Variants in ANLN observed in about 807,000 individuals in gnomAD.
ANLN encodes anillin, actin binding protein.
ANLN carries 59 observed loss-of-function variants against 135.1 expected under a neutral mutation model. The observed-to-expected ratio is 0.44, with a 90% CI of 0.35 to 0.54. The LOEUF (loss-of-function observed/expected upper bound fraction) is 0.54, where lower values mean the gene tolerates loss of function less well. ANLN is among the 20% of genes least tolerant of loss of function. The pLI is 0.00. For missense variants in ANLN, 1,182 were observed against 1,340.0 expected, an observed-to-expected ratio of 0.88 and a Z score of 1.84; for synonymous variants, 406 against 456.4, an observed-to-expected ratio of 0.89 and a Z score of 1.41.
chr7:36,425,898 T>A, intron 18 of ANLN, 117 bp from the exon 19 acceptor site: 1 of 1,172,688 alleles, frequency 8.5e-7, no homozygotes, highest in Non-Finnish European at 1.2e-6. Flanking sequence ...GGAAAAGTGT[T>A]TTCTGAAATG....
intron 21 of ANLN, among the ~76,000 whole-genome samples, chr7:36,442,766 A>G (rs1168876273): frequency 1.3e-5 from 2 of 151,792 alleles, no homozygotes; most frequent in African/African-American, 4.8e-5. Flanking sequence ...TGAGTAGCTG[A>G]GACTACAGAT....
chr7:36,449,836 A>C lies in ANLN; in HGVS notation c.3250A>C (p.Lys1084Gln). 1 of 1,613,138 alleles carries C rather than the reference A, an allele frequency of 6.2e-7. No homozygotes were observed. Among genetic ancestry groups the C allele is most frequent in the Non-Finnish European group, 8.5e-7 (1 of 1,179,528 alleles). Residue 1084 changes from lysine (K) to glutamine (Q), a missense_variant and splice_region_variant, in exon 23 of 24, where the codon AAG becomes CAG. Physicochemically the swap from Lys to Gln is moderately conservative, Grantham distance 53. This residue lies in a region of ANLN where 78 missense variants were observed against 72.7 expected (regional missense o/e 1.07). Transcript: ENST00000265748. ...ATGCAGGGACACACTCTGTGTTACC[A>C]AGTATGTATTGGCCTATAAATATTT... is the stretch of plus-strand genomic sequence containing the variant. ...SQCRDTLCVTKNWLSADTKEE... is the reference protein window; with the variant it reads ...SQCRDTLCVTQNWLSADTKEE...
intron 20 of ANLN, among the ~76,000 whole-genome samples, chr7:36,430,933 C>G (rs1788286827): frequency 6.6e-6 from 1 of 152,166 alleles, no homozygotes; most frequent in Non-Finnish European, 1.5e-5. Flanking sequence ...CCACACTCAA[C>G]TAGGGGGAGG....
At position 36,396,338 on chromosome 7, in the gene ANLN, C is replaced by G. The variant is rs1416136172; in HGVS notation, c.91C>G (p.Pro31Ala). Reference sequence around the variant, plus strand: ...AATGGCTGAGAGGCCCACAGCAGCTCCAAGGTCTATGACTCATGCTAAGCG... The same window carrying G: ...AATGGCTGAGAGGCCCACAGCAGCTGCAAGGTCTATGACTCATGCTAAGCG... ...RKMAERPTAA[P>A]RSMTHAKRAR... is the part of the protein sequence containing the mutation. Residue 31 changes from proline (P) to alanine (A), a missense_variant, in exon 2 of 24, where the codon CCA (proline) becomes GCA (alanine). By Grantham distance (27) the Pro-to-Ala change is conservative (BLOSUM62 -1). Coordinates refer to ENST00000265748, the MANE Select transcript of ANLN (RefSeq NM_018685.5). 6 of 1,610,004 alleles carry G rather than the reference C, an allele frequency of 3.7e-6. No homozygotes were observed. The highest frequency in any genetic ancestry group is 1.3e-5 in the African/African-American group (1 of 74,850).
At chr7:36,419,078 TG>T (rs1787765677) in intron 9 of ANLN, among the ~76,000 whole-genome samples, 165 bp from the exon 10 acceptor site, 1 of 152,226 alleles carries the variant, frequency 6.6e-6, no homozygotes, top group Non-Finnish European at 1.5e-5. Context: ...AAGATTTTCT[TG>T]GTTTCATTTA....
chr7:36,439,340 T>A, intron 21 of ANLN, 50 bp downstream of exon 21: 3 of 1,049,770 alleles, frequency 2.9e-6, no homozygotes, highest in Non-Finnish European at 4.2e-6. Flanking sequence ...TTTTGTGAAA[T>A]ACAGACTTGT....
chr7:36,407,245 A>G (rs1336436751), intron 4 of ANLN, among the ~76,000 whole-genome samples: 1 of 152,146 alleles, frequency 6.6e-6, no homozygotes, highest in Non-Finnish European at 1.5e-5. Flanking sequence ...TTCTATGTGT[A>G]AAATAGGAAA....
chr7:36,444,328 G>T (rs1031761800), intron 22 of ANLN, among the ~76,000 whole-genome samples: 1 of 151,614 alleles, frequency 6.6e-6, no homozygotes, highest in Non-Finnish European at 1.5e-5. Context: ...AGGTGTGTGT[G>T]TGTGTGTGTG....
At chr7:36,413,338 C>T (rs911071527) in intron 7 of ANLN, among the ~76,000 whole-genome samples, 2 of 152,198 alleles carry the variant, frequency 1.3e-5, no homozygotes, top group African/African-American at 4.8e-5. Context: ...ACTCCTTCCA[C>T]GACTCAGTAT....
In ANLN at chr7:36,411,056, T is replaced by G. The variant is rs967262105; in HGVS notation, c.1288-3T>G. The G allele has an allele frequency of 1.2e-6, 2 of 1,603,778 alleles. No individual in the cohort carries two copies. The highest frequency in any genetic ancestry group is 1.7e-6 in the Non-Finnish European group (2 of 1,177,710). On this transcript the variant is annotated splice_region_variant and splice_polypyrimidine_tract_variant and intron_variant, in intron 6 of 23. Coordinates refer to ENST00000265748, the MANE Select transcript of ANLN (RefSeq NM_018685.5). Reference sequence around the variant, plus strand: ...TGTAAAATACAGCTTTTGATGGGTTTAGGAACGTCAAAAAGAACTAGCATG... The same window carrying G: ...TGTAAAATACAGCTTTTGATGGGTTGAGGAACGTCAAAAAGAACTAGCATG...
At chr7:36,401,291 A>G (rs551127095) in intron 3 of ANLN, among the ~76,000 whole-genome samples, 12 of 152,314 alleles carry the variant, frequency 7.9e-5, no homozygotes, top group African/African-American at 2.4e-4. Context: ...TCAAATCCCA[A>G]TGGTTTGACT....
intron 22 of ANLN, among the ~76,000 whole-genome samples, chr7:36,448,040 G>T (rs1789087850): frequency 6.6e-6 from 1 of 151,044 alleles, no homozygotes; most frequent in Non-Finnish European, 1.5e-5. Flanking sequence ...TTTGAGACAG[G>T]GTCTCGCTCT....
chr7:36,422,683 G>A lies in ANLN; in HGVS notation c.2350G>A (p.Gly784Arg). Residue 784 changes from glycine (G) to arginine (R), a missense_variant, in exon 14 of 24, where the codon GGA (glycine) becomes AGA (arginine). By Grantham distance (125) the Gly-to-Arg change is moderately radical (BLOSUM62 -2). This residue lies in a region of ANLN where 1,022 missense variants were observed against 1,134.0 expected (regional missense o/e 0.90). Coordinates refer to ENST00000265748, the MANE Select transcript of ANLN (RefSeq NM_018685.5). ...IDELNKLKNE[G>R]PQRKNKASPQ... ...TGAATTGAATAAATTGAAGAACGAA[G>A]GACCTCAGAGGAAGAATAAGGCTAG... The A allele has an allele frequency of 6.2e-7, 1 of 1,611,808 alleles. No individual in the cohort carries two copies. Among genetic ancestry groups the A allele is most frequent in the Non-Finnish European group, 8.5e-7 (1 of 1,179,370 alleles).
intron 20 of ANLN, chr7:36,428,427 T>A (rs1021589640): frequency 2.2e-6 from 2 of 892,958 alleles, no homozygotes; most frequent in East Asian, 1.3e-4. Context: ...TTGATCTACA[T>A]ATATTTGTTT....
chr7:36,431,974 G>A (rs1268244605), intron 20 of ANLN, among the ~76,000 whole-genome samples: 1 of 152,124 alleles, frequency 6.6e-6, no homozygotes, highest in Non-Finnish European at 1.5e-5. Context: ...CACTTTGGGA[G>A]GCCAAAGTGG....
At chr7:36,424,906 A>G (rs1392116677) in intron 17 of ANLN, among the ~76,000 whole-genome samples, 164 bp downstream of exon 17, 2 of 152,226 alleles carry the variant, frequency 1.3e-5, no homozygotes, top group Non-Finnish European at 2.9e-5. Context: ...TACTGAAAAT[A>G]AACTGTGAGT....
intron 23 of ANLN, among the ~76,000 whole-genome samples, chr7:36,451,975 A>T (rs1284716980): frequency 1.3e-5 from 2 of 152,226 alleles, no homozygotes; most frequent in Non-Finnish European, 2.9e-5. Flanking sequence ...ATCATGTTCT[A>T]CTAATATAGT....
Position 36,419,378 on chromosome 7 carries a change from G to T in ANLN, c.1768G>T (p.Ala590Ser). Residue 590 changes from alanine (A) to serine (S), a missense_variant, in exon 10 of 24, where the codon GCA (alanine) becomes TCA (serine). Ala to Ser is a moderately conservative substitution (Grantham distance 99). Coordinates refer to ENST00000265748, the MANE Select transcript of ANLN (RefSeq NM_018685.5). ...GAAGAGCCAAGAGGAGATGGATCAA[G>T]CATTAGCAGAAAGCAGCGAAGAACA... Reference protein sequence around the residue: ...MEKSQEEMDQALAESSEEQED... With the variant: ...MEKSQEEMDQSLAESSEEQED... 1 of 1,614,162 alleles carries T rather than the reference G, an allele frequency of 6.2e-7. No homozygotes were observed. Among genetic ancestry groups the T allele is most frequent in the Non-Finnish European group, 8.5e-7 (1 of 1,180,024 alleles).
intron 20 of ANLN, among the ~76,000 whole-genome samples, chr7:36,437,395 T>C (rs1397708752): frequency 1.3e-5 from 2 of 152,234 alleles, no homozygotes; most frequent in East Asian, 1.9e-4. Flanking sequence ...GAATTTTTCA[T>C]TGTATGTATG....
Sources: gnomAD v4.1 joint callset for allele counts (sites outside exome capture counted in the v4.1 genomes callset) on GRCh38, gnomAD v4.1.1 for gene constraint, gnomAD v4.1.1 regional missense constraint, MANE v1.5 for transcripts, NCBI Gene and HGNC (gene_info 2026-07-23, HGNC 2026-07-21) for gene names.